Variants in KAZN observed in about 807,000 individuals in gnomAD.
KAZN encodes kazrin.
A neutral mutation model predicts 87.4 loss-of-function variants in KAZN; 40 were observed. The ratio of observed to expected loss-of-function variants is 0.46; its 90% CI spans 0.36 to 0.60. The LOEUF (loss-of-function observed/expected upper bound fraction) is 0.60. Among genes scored for constraint, KAZN ranks in the 20% least tolerant of loss-of-function variants. KAZN has a pLI of 0.00. For missense variants in KAZN, 898 were observed against 1,073.9 expected (o/e 0.84, Z 2.29); for synonymous variants, 466 against 458.3 (o/e 1.02, Z -0.22).
chr1:14,938,066 C>T lies in KAZN; in HGVS notation c.227-22618C>T, dbSNP rs375515359. ...AGACACAGGGCTCTGAGTGTGGGGA[C>T]GTTGGAGTCTATGTACCAAGTGCTT... is the stretch of plus-strand genomic sequence containing the variant. On this transcript the variant is annotated intron_variant, in intron 1 of 14. Coordinates refer to ENST00000376030, the MANE Select transcript of KAZN (RefSeq NM_201628.3). 4.6e-5 allele frequency among the ~76,000 whole-genome samples: 7 copies of T among 152,244 alleles called. No homozygotes were observed. In the East Asian group the frequency reaches 9.7e-4, roughly 21 times the overall value.
intron 1 of KAZN, among the ~76,000 whole-genome samples, chr1:14,121,504 C>A (rs1644751291): frequency 6.6e-6 from 1 of 152,242 alleles, no homozygotes; most frequent in East Asian, 1.9e-4. Flanking sequence ...GATTCAAATG[C>A]AAGCAATCTG....
At chr1:14,710,403 C>T (rs1642422151) in intron 1 of KAZN, among the ~76,000 whole-genome samples, 1 of 152,190 alleles carries the variant, frequency 6.6e-6, no homozygotes, top group Non-Finnish European at 1.5e-5. Context: ...GGCTCCCTCT[C>T]AGAGAAAAGG....
At chr1:15,050,119 TAGAGTAGG>T in intron 4 of KAZN, among the ~76,000 whole-genome samples, 1 of 127,618 alleles carries the variant, frequency 7.8e-6, no homozygotes, top group African/African-American at 3.4e-5. Context: ...AGTAGAGTAG[TAGAGTAGG>T]TCTCCATCTC....
At chr1:14,036,389 T>C (rs1368129522) in intron 1 of KAZN, among the ~76,000 whole-genome samples, 1 of 152,218 alleles carries the variant, frequency 6.6e-6, no homozygotes, top group African/African-American at 2.4e-5. Flanking sequence ...CTTCATGTTC[T>C]GCACAGGCCG....
chr1:14,971,730 G>A (rs1000811958), intron 2 of KAZN, among the ~76,000 whole-genome samples: 32 of 141,416 alleles, frequency 2.3e-4, no homozygotes, highest in Non-Finnish European at 3.6e-4. Context: ...TGCCCAGGCT[G>A]GAATGCAGTG....
rs531651165 is a variant in KAZN at position 14,511,089 on chromosome 1, G to T, written c.250-87894G>T. On this transcript the variant is annotated intron_variant, in intron 2 of 16. Coordinates refer to the KAZN transcript ENST00000636203. ...ACCACTTACATTATTAACACCATGG[G>T]CTTTAGAGTTATCTGCGGGGGGTGG... Among the ~76,000 whole-genome samples the T allele has an allele frequency of 2.1e-5, 3 of 145,032 alleles. No individual in the cohort carries two copies. In the South Asian group the frequency reaches 6.6e-4, roughly 32 times the overall value.
rs915334370 is a variant in KAZN at position 14,550,841 on chromosome 1, C to A, written c.250-48142C>A. ...TCTTCAGTCAGGCCAACCCCCAAAC[C>A]AAGGGGACAGTCCTCCCTTCCCATA... On this transcript the variant is annotated intron_variant, in intron 2 of 16. Coordinates refer to the KAZN transcript ENST00000636203. Among the ~76,000 whole-genome samples, 14 of 148,184 alleles carry A rather than the reference C, an allele frequency of 9.4e-5. No homozygotes were observed. In the Admixed American group the frequency reaches 9.5e-4, roughly 10 times the overall value.
intron 1 of KAZN, among the ~76,000 whole-genome samples, chr1:14,883,351 A>AGGG (rs1653609951): frequency 6.4e-5 from 2 of 31,028 alleles, no homozygotes; most frequent in African/African-American, 9.5e-5. Flanking sequence ...AGAAAGAAAG[A>AGGG]AAGAAAAGAA....
intron 8 of KAZN, among the ~76,000 whole-genome samples, chr1:15,089,534 G>GGGC (rs1222597408): frequency 4.6e-5 from 7 of 152,186 alleles, no homozygotes; most frequent in African/African-American, 1.7e-4. Flanking sequence ...CCCAGGAGAG[G>GGGC]GGCCCCTTAT....
At chr1:14,750,417 A>C (rs1572390313) in intron 1 of KAZN, among the ~76,000 whole-genome samples, 1 of 152,304 alleles carries the variant, frequency 6.6e-6, no homozygotes, top group Non-Finnish European at 1.5e-5. Context: ...ACGGAAACGA[A>C]GTTTTACGTG....
chr1:15,072,873 A>G (rs901148134), intron 8 of KAZN, among the ~76,000 whole-genome samples: 2 of 152,204 alleles, frequency 1.3e-5, no homozygotes, highest in African/African-American at 4.8e-5. Flanking sequence ...AGCTTCAGAG[A>G]ACATCAGAAT....
At chr1:14,123,058 T>A (rs1644786253) in intron 1 of KAZN, among the ~76,000 whole-genome samples, 1 of 152,180 alleles carries the variant, frequency 6.6e-6, no homozygotes, top group South Asian at 2.1e-4. Context: ...TACGTGGGAA[T>A]GTAAATAATA....
At chr1:14,859,245 C>T (rs550299094) in intron 1 of KAZN, among the ~76,000 whole-genome samples, 198 of 151,896 alleles carry the variant, frequency 1.3e-3, no homozygotes, top group Non-Finnish European at 2.0e-3. Flanking sequence ...TTCTAAGTAA[C>T]CGCTCAGTGC....
chr1:14,442,908 T>C (rs188571677), intron 2 of KAZN, among the ~76,000 whole-genome samples: 1 of 152,252 alleles, frequency 6.6e-6, no homozygotes, highest in East Asian at 1.9e-4. Context: ...GACACGTGGG[T>C]CATTTATAGG....
intron 1 of KAZN, among the ~76,000 whole-genome samples, chr1:14,171,085 T>TCATTATG (rs1195477072): frequency 6.6e-6 from 1 of 152,228 alleles, no homozygotes; most frequent in Non-Finnish European, 1.5e-5. Flanking sequence ...CATAATGTTT[T>TCATTATG]CTAGATTCAT....
intron 1 of KAZN, among the ~76,000 whole-genome samples, chr1:14,134,399 T>C (rs1245865405): frequency 1.3e-5 from 2 of 152,168 alleles, no homozygotes; most frequent in Non-Finnish European, 2.9e-5. Flanking sequence ...CAAGGTATTT[T>C]TTAGAGAGGT....
chr1:13,981,743 G>A (rs1039749369), intron 1 of KAZN, among the ~76,000 whole-genome samples: 10 of 152,216 alleles, frequency 6.6e-5, no homozygotes, highest in African/African-American at 2.4e-4. Context: ...AGAGGTCAGG[G>A]AAGCTAAGAG....
intron 2 of KAZN, among the ~76,000 whole-genome samples, chr1:14,437,494 C>T (rs568932779): frequency 1.8e-3 from 281 of 152,338 alleles, no homozygotes; most frequent in African/African-American, 6.7e-3. Context: ...CGCTCTTTCT[C>T]ACCTCGCCCC....
At chr1:13,975,683 G>A (rs954317817) in intron 1 of KAZN, among the ~76,000 whole-genome samples, 2 of 152,076 alleles carry the variant, frequency 1.3e-5, no homozygotes, top group South Asian at 2.1e-4. Context: ...TTAACACACC[G>A]GCAGGTAGAT....
Sources: allele counts gnomAD v4.1 joint callset (sites outside exome capture counted in the v4.1 genomes callset), GRCh38; gene constraint gnomAD v4.1.1; transcripts MANE v1.5; gene names NCBI Gene and HGNC (gene_info 2026-07-23, HGNC 2026-07-21).